Variants in KIF16B observed in about 807,000 individuals in gnomAD.
The protein encoded by KIF16B is kinesin family member 16B.
Under a neutral mutation model 156.3 loss-of-function variants are expected in KIF16B, and 98 were observed. The observed-to-expected ratio is 0.63, with a 90% CI of 0.53 to 0.74. The LOEUF is 0.74. Ranked by LOEUF, KIF16B falls within the 30% of genes least tolerant of loss-of-function variation. The probability of loss-of-function intolerance (pLI) is 0.00; values close to 1 mark genes in which losing one functional copy is unlikely to be tolerated. For missense variants in KIF16B, 1,421 were observed against 1,606.5 expected, an observed-to-expected ratio of 0.88 and a Z score of 1.97; for synonymous variants, 564 against 583.7, an observed-to-expected ratio of 0.97 and a Z score of 0.49.
chr20:16,532,625 A>G (rs1009276738), intron 1 of KIF16B, among the ~76,000 whole-genome samples: 3 of 152,240 alleles, frequency 2.0e-5, no homozygotes, highest in African/African-American at 7.2e-5. Flanking sequence ...TTTATATCAC[A>G]GAACACCAAA....
At chr20:16,291,630 C>T (rs1478110917) in intron 25 of KIF16B, among the ~76,000 whole-genome samples, 2 of 152,134 alleles carry the variant, frequency 1.3e-5, no homozygotes, top group Non-Finnish European at 2.9e-5. Context: ...AGCTATGTGG[C>T]CATATAGTCT....
intron 1 of KIF16B, among the ~76,000 whole-genome samples, chr20:16,533,477 G>C (rs546869937): frequency 6.6e-6 from 1 of 152,256 alleles, no homozygotes; most frequent in East Asian, 1.9e-4. Context: ...AGTAATAGAT[G>C]GGTCTTAGGT....
At chr20:16,311,355 G>T (rs1022187007) in intron 25 of KIF16B, among the ~76,000 whole-genome samples, 1 of 152,142 alleles carries the variant, frequency 6.6e-6, no homozygotes, top group Non-Finnish European at 1.5e-5. Flanking sequence ...TGGGCATGGT[G>T]GTGCACGCCT....
At chr20:16,450,667 G>C (rs1222241490) in intron 12 of KIF16B, among the ~76,000 whole-genome samples, 2 of 152,162 alleles carry the variant, frequency 1.3e-5, no homozygotes, top group African/African-American at 4.8e-5. Context: ...ATGAGAAAAG[G>C]GGCAGCATCT....
intron 12 of KIF16B, among the ~76,000 whole-genome samples, chr20:16,486,040 T>C (rs1291059775): frequency 6.6e-6 from 1 of 152,192 alleles, no homozygotes; most frequent in Non-Finnish European, 1.5e-5. Context: ...AGCAGAACTC[T>C]GATATTGCTT....
At position 16,428,919 on chromosome 20, in the gene KIF16B, T is replaced by C. The variant is rs201761599; in HGVS notation, c.1474+34A>G. ...CTTCCTTGAATACAACCTTAAAAAATCATTGGGAACAGATCACTGATAAAT... is the reference window on the plus strand; with the variant it reads ...CTTCCTTGAATACAACCTTAAAAAACCATTGGGAACAGATCACTGATAAAT... On this transcript the variant is annotated intron_variant, in intron 14 of 25. Coordinates refer to ENST00000354981, the MANE Select transcript of KIF16B (RefSeq NM_024704.5). 10 of 1,586,886 alleles carry C rather than the reference T, an allele frequency of 6.3e-6. No individual in the cohort carries two copies. The African/African-American group carries it at 1.3e-4, about 21-fold the overall frequency.
chr20:16,557,090 A>G (rs1371394410), intron 1 of KIF16B, among the ~76,000 whole-genome samples: 1 of 149,156 alleles, frequency 6.7e-6, no homozygotes, highest in Non-Finnish European at 1.5e-5. Context: ...CATTAATACT[A>G]TATATAGTAT....
chr20:16,352,977 C>G (rs1466921893), intron 23 of KIF16B, among the ~76,000 whole-genome samples: 1 of 152,214 alleles, frequency 6.6e-6, no homozygotes, highest in African/African-American at 2.4e-5. Flanking sequence ...CAGCGTCTCA[C>G]TGTGTGTACT....
At chr20:16,455,347 A>C (rs2067186478) in intron 12 of KIF16B, among the ~76,000 whole-genome samples, 2 of 151,650 alleles carry the variant, frequency 1.3e-5, no homozygotes, top group Non-Finnish European at 2.9e-5. Flanking sequence ...CACCTGGCCA[A>C]ACCCTCTGCT....
Position 16,526,119 on chromosome 20 carries a change from T to C in KIF16B, c.204A>G (p.Lys68=). The C allele has an allele frequency of 6.2e-7, 1 of 1,603,398 alleles. No individual in the cohort carries two copies. The highest frequency in any genetic ancestry group is 8.5e-7 in the Non-Finnish European group (1 of 1,174,070). The part of the protein sequence containing the change: ...YDFSFYSADT[K]SPDYVSQEMV... Reference sequence around the variant, plus strand: ...TTTCTTGTGAAACGTAATCTGGGCTTTTTGTATCAGCAGAATAAAAAGAAA... The same window carrying C: ...TTTCTTGTGAAACGTAATCTGGGCTCTTTGTATCAGCAGAATAAAAAGAAA... The change falls in exon 3 of 26, where the codon AAA becomes AAG. Residue 68 remains lysine, a synonymous_variant. Coordinates refer to ENST00000354981, the MANE Select transcript of KIF16B (RefSeq NM_024704.5).
At chr20:16,336,080 A>G (rs1213894403) in intron 23 of KIF16B, 65 bp from the exon 24 acceptor site, 5 of 964,184 alleles carry the variant, frequency 5.2e-6, no homozygotes, top group Non-Finnish European at 7.9e-6. Context: ...ATTTTTCAAA[A>G]GAATTTAAAA....
chr20:16,564,745 C>T (rs1311043269), intron 1 of KIF16B, among the ~76,000 whole-genome samples: 1 of 152,106 alleles, frequency 6.6e-6, no homozygotes, highest in Non-Finnish European at 1.5e-5. Context: ...TCCCTCCTTC[C>T]TTTCATCTCT....
At position 16,558,425 on chromosome 20, in the gene KIF16B, G is replaced by A. The variant is rs141776177; in HGVS notation, c.47+14804C>T. Among the ~76,000 whole-genome samples the A allele has an allele frequency of 1.5e-3, 226 of 152,296 alleles. 1 individual carries two copies. The highest frequency in any genetic ancestry group is 5.2e-3 in the African/African-American group (215 of 41,560). The stretch of plus-strand genomic sequence containing the variant: ...CCACACCAAAGCAGCCAAGAAGAAG[G>A]TGTGCCTCCTCCACCCTCTCCCCTC... On this transcript the variant is annotated intron_variant, in intron 1 of 25. Coordinates refer to ENST00000354981, the MANE Select transcript of KIF16B (RefSeq NM_024704.5).
chr20:16,296,791 G>A (rs2063393578), intron 25 of KIF16B, among the ~76,000 whole-genome samples: 1 of 152,222 alleles, frequency 6.6e-6, no homozygotes, highest in Non-Finnish European at 1.5e-5. Context: ...CTGGGCCATG[G>A]TGTCACTAGA....
At position 16,404,837 on chromosome 20, in the gene KIF16B, G is replaced by A; in HGVS notation, c.1760C>T (p.Ser587Phe). ...TDLSKSRENL[S>F]AVMLYNPGLE... ...CCCGGGGTTATACAACATGACTGCA[G>A]ACAGGTTCTCACGGGACTTCGAGAG... The change falls in exon 17 of 26, where the codon TCT (serine) becomes TTT (phenylalanine). Residue 587 changes from serine to phenylalanine, a missense_variant. Coordinates refer to ENST00000354981, the MANE Select transcript of KIF16B (RefSeq NM_024704.5). 6.2e-7 allele frequency: 1 copy of A among 1,613,450 alleles called. No homozygotes were observed.
At chr20:16,451,899 C>T (rs1004321297) in intron 12 of KIF16B, among the ~76,000 whole-genome samples, 1 of 152,156 alleles carries the variant, frequency 6.6e-6, no homozygotes, top group Non-Finnish European at 1.5e-5. Context: ...GGTATGGGCA[C>T]TGCTCACACC....
chr20:16,280,259 C>T (rs943750833), intron 25 of KIF16B, among the ~76,000 whole-genome samples: 1 of 152,212 alleles, frequency 6.6e-6, no homozygotes, highest in Non-Finnish European at 1.5e-5. Context: ...TGGCAAAAAC[C>T]TGTGAAGTCA....
intron 11 of KIF16B, among the ~76,000 whole-genome samples, chr20:16,495,778 C>T (rs1213017030): frequency 6.6e-6 from 1 of 152,132 alleles, no homozygotes; most frequent in African/African-American, 2.4e-5. Flanking sequence ...TAGCCTCTAC[C>T]TCCCAGAGTT....
At chr20:16,355,971 G>C (rs1004064435) in intron 23 of KIF16B, among the ~76,000 whole-genome samples, 1 of 152,170 alleles carries the variant, frequency 6.6e-6, no homozygotes, top group African/African-American at 2.4e-5. Flanking sequence ...TAAGCCCATG[G>C]GGAGGGTGAC....
Sources: allele counts gnomAD v4.1 joint callset (sites outside exome capture counted in the v4.1 genomes callset), GRCh38; gene constraint gnomAD v4.1.1; transcripts MANE v1.5; gene names NCBI Gene and HGNC (gene_info 2026-07-23, HGNC 2026-07-21).